The following CCDC8 variants were observed in gnomAD, a reference collection of about 807,000 sequenced individuals.
The protein encoded by CCDC8 is coiled-coil domain-containing protein 8.
Under a neutral mutation model 5.2 loss-of-function variants are expected in CCDC8, and 6 were observed. The observed-to-expected ratio is 1.16, with a 90% CI of 0.63 to 2.28. The LOEUF is 2.28. CCDC8 is among the 30% of genes most tolerant of loss of function. The probability of loss-of-function intolerance (pLI) is 0.00; values close to 1 mark genes in which losing one functional copy is unlikely to be tolerated. For synonymous variants in CCDC8, 310 were observed against 286.5 expected (o/e 1.08, Z -0.83); for missense variants, 724 against 712.2 (o/e 1.02, Z -0.19).
Position 46,411,050 on chromosome 19 carries a change from G to C in CCDC8, c.*144C>G. 9.5e-7 allele frequency: 1 copy of C among 1,049,882 alleles called. No individual in the cohort carries two copies. The highest frequency in any genetic ancestry group is 1.4e-6 in the Non-Finnish European group (1 of 727,014). 65.0% of individuals were successfully genotyped at this position (1,049,882 alleles called of 1,614,324 possible). A position where few individuals can be genotyped will look rare whatever the true frequency, so the allele number is the denominator to read the frequency against. ...AAAATTTAAAAAAAAATCAAAGCAT[G>C]AACAAAACTTTAACAAGAGAATAAA... On this transcript the variant is annotated 3_prime_UTR_variant, in exon 1 of 1. Coordinates refer to ENST00000307522, the MANE Select transcript of CCDC8 (RefSeq NM_032040.5).
Position 46,412,787 on chromosome 19 carries a change from G to T in CCDC8, c.24C>A (p.Val8=). The change falls in exon 1 of 1, where the codon GTC becomes GTA. Residue 8 remains valine (V), a synonymous_variant. Transcript: ENST00000307522. The surrounding 1 kb of genome is among the most constrained non-coding windows in gnomAD (Gnocchi z 4.7). MLQIGED[V]DYLLIPREVR... ...CCTCCCGGGGGATGAGCAAATAGTC[G>T]ACGTCCTCCCCGATCTGCAGCATCC... is the stretch of plus-strand genomic sequence containing the variant. 1 of 1,614,010 alleles carries T rather than the reference G, an allele frequency of 6.2e-7. No individual in the cohort carries two copies. Among genetic ancestry groups the T allele is most frequent in the African/African-American group, 1.3e-5 (1 of 75,014 alleles).
chr19:46,411,062 A>T lies in CCDC8; in HGVS notation c.*132T>A. ...AAAATCAAAGCATGAACAAAACTTT[A>T]ACAAGAGAATAAAGAGGGTTGTTAG... On this transcript the variant is annotated 3_prime_UTR_variant, in exon 1 of 1. Transcript: ENST00000307522. 8.8e-7 allele frequency: 1 copy of T among 1,136,526 alleles called. No individual in the cohort carries two copies. Among genetic ancestry groups the T allele is most frequent in the Non-Finnish European group, 1.3e-6 (1 of 796,512 alleles). The allele number at this position is 1,136,526 out of a possible 1,614,324, so 70.4% of individuals were successfully genotyped here. A position where few individuals can be genotyped will look rare whatever the true frequency, so the allele number is the denominator to read the frequency against.
In CCDC8 at chr19:46,411,550, C is replaced by A; in HGVS notation, c.1261G>T (p.Ala421Ser). ...AVHDQRERAP[A>S]VQGADNQRAQ... ...CTCTGATTATCTGCACCCTGGACAG[C>A]TGGGGCCCTTTCCCTCTGGTCATGT... The change falls in exon 1 of 1, where the codon GCT becomes TCT. Residue 421 changes from alanine (A) to serine (S), a missense_variant. Ala to Ser is a moderately conservative substitution (Grantham distance 99, BLOSUM62 1). Coordinates refer to ENST00000307522, the MANE Select transcript of CCDC8 (RefSeq NM_032040.5). 1 of 1,613,056 alleles carries A rather than the reference C, an allele frequency of 6.2e-7. No individual in the cohort carries two copies. Among genetic ancestry groups the A allele is most frequent in the Non-Finnish European group, 8.5e-7 (1 of 1,179,838 alleles).
Position 46,412,488 on chromosome 19 carries a change from C to T in CCDC8, c.323G>A (p.Ser108Asn), listed in dbSNP as rs1179563376. ...DSSNASDSEFSDFETSRDKSR... is the reference protein window; with the variant it reads ...DSSNASDSEFNDFETSRDKSR... The stretch of plus-strand genomic sequence containing the variant: ...CTTGTCTCTGGAGGTCTCGAAGTCG[C>T]TGAACTCGCTGTCGCTGGCGTTGCT... Residue 108 changes from serine to asparagine, a missense_variant, in exon 1 of 1, where the codon AGC becomes AAC. Ser to Asn is a conservative substitution (Grantham distance 46). Transcript: ENST00000307522. This position sits in a 1 kb window ranked among gnomAD's most constrained non-coding sequence, Gnocchi z 4.7. 2.5e-6 allele frequency: 4 copies of T among 1,608,698 alleles called. No individual in the cohort carries two copies. In the South Asian group the frequency reaches 4.4e-5, roughly 18 times the overall value.
Position 46,412,611 on chromosome 19 carries a change from G to A in CCDC8, c.200C>T (p.Pro67Leu), listed in dbSNP as rs747344751. 6.2e-7 allele frequency: 1 copy of A among 1,601,784 alleles called. No homozygotes were observed. The highest frequency in any genetic ancestry group is 2.2e-5 in the East Asian group (1 of 44,744). ...RIMEKSTPHP[P>L]QPPKKPKEPR... Reference sequence around the variant, plus strand: ...CTCCTTGGGCTTTTTGGGGGGCTGGGGCGGGTGCGGGGTGCTCTTCTCCAT... The same window carrying A: ...CTCCTTGGGCTTTTTGGGGGGCTGGAGCGGGTGCGGGGTGCTCTTCTCCAT... The change falls in exon 1 of 1, where the codon CCC becomes CTC. Residue 67 changes from proline to leucine, a missense_variant. Coordinates refer to ENST00000307522, the MANE Select transcript of CCDC8 (RefSeq NM_032040.5). The surrounding 1 kb of genome is among the most constrained non-coding windows in gnomAD (Gnocchi z 4.7).
rs772062364 is a variant in CCDC8 at position 46,411,820 on chromosome 19, C to G, written c.991G>C (p.Ala331Pro). ...AGAPADQGAE[A>P]ADNQREEAAD... ...GCCTCTTCCCTCTGATTATCTGCAG[C>G]CTCTGCCCCCTGGTCAGCTGGGGCC... is the stretch of plus-strand genomic sequence containing the variant. Residue 331 changes from alanine to proline, a missense_variant, in exon 1 of 1, where the codon GCT becomes CCT. Ala to Pro is a conservative substitution (Grantham distance 27, BLOSUM62 -1). Coordinates refer to ENST00000307522, the MANE Select transcript of CCDC8 (RefSeq NM_032040.5). 1.9e-6 allele frequency: 3 copies of G among 1,608,820 alleles called. No individual in the cohort carries two copies. In the Admixed American group the frequency reaches 5.0e-5, roughly 27 times the overall value.
At position 46,410,382 on chromosome 19, in the gene CCDC8, A is replaced by G. The variant is rs1973213506; in HGVS notation, c.*812T>C. ...GCCCCAGAATCTGTGTTTTGAATGC[A>G]TTTTTCAGACGCTTTTACTGTACCT... On this transcript the variant is annotated 3_prime_UTR_variant, in exon 1 of 1. Coordinates refer to ENST00000307522, the MANE Select transcript of CCDC8 (RefSeq NM_032040.5). The G allele has an allele frequency of 6.6e-6, 1 of 152,124 alleles. No homozygotes were observed. Among genetic ancestry groups the G allele is most frequent in the East Asian group, 1.9e-4 (1 of 5,192 alleles). 9.4% of individuals were successfully genotyped at this position (152,124 alleles called of 1,614,324 possible).
rs1331353409 is a variant in CCDC8 at position 46,412,095 on chromosome 19, G to T, written c.716C>A (p.Ala239Glu). 1 of 1,599,506 alleles carries T rather than the reference G, an allele frequency of 6.3e-7. No homozygotes were observed. Residue 239 changes from alanine to glutamate, a missense_variant, in exon 1 of 1, where the codon GCG (alanine) becomes GAG (glutamate). Physicochemically the swap from Ala to Glu is moderately radical, Grantham distance 107 (BLOSUM62 -1). Coordinates refer to ENST00000307522, the MANE Select transcript of CCDC8 (RefSeq NM_032040.5). The surrounding 1 kb of genome is among the most constrained non-coding windows in gnomAD (Gnocchi z 4.7). ...ATCCCCCGGGCTGGTGCCCTCTGGC[G>T]CCGATGATACCCCTGCGCTCTCCAC... ...TAVESAGVSS[A>E]PEGTSPGDRL... is the part of the protein sequence containing the mutation.
rs1973227994 is a variant in CCDC8, at chr19:46,411,517, C to T, written c.1294G>A (p.Ala432Thr). 6.2e-7 allele frequency: 1 copy of T among 1,613,820 alleles called. No individual in the cohort carries two copies. The stretch of plus-strand genomic sequence containing the variant: ...GCCTCTGCCCTCTGGCCAGCCCGGG[C>T]CTGTGCCCTCTGATTATCTGCACCC... ...VQGADNQRAQ[A>T]RAGQRAEAAH... Residue 432 changes from alanine to threonine, a missense_variant, in exon 1 of 1, where the codon GCC becomes ACC. Ala to Thr is a moderately conservative substitution (Grantham distance 58). Coordinates refer to ENST00000307522, the MANE Select transcript of CCDC8 (RefSeq NM_032040.5).
At position 46,411,804 on chromosome 19, in the gene CCDC8, C is replaced by T. The variant is rs1973232722; in HGVS notation, c.1007G>A (p.Arg336Lys). ...DQGAEAADNQ[R>K]EEAADNQRAG... ...CCTCTGATTATCTGCAGCCTCTTCC[C>T]TCTGATTATCTGCAGCCTCTGCCCC... Residue 336 changes from arginine to lysine, a missense_variant, in exon 1 of 1, where the codon AGG becomes AAG. Transcript: ENST00000307522. 1 of 1,608,242 alleles carries T rather than the reference C, an allele frequency of 6.2e-7. No homozygotes were observed. Among genetic ancestry groups the T allele is most frequent in the African/African-American group, 1.3e-5 (1 of 74,818 alleles).
At position 46,410,759 on chromosome 19, in the gene CCDC8, T is replaced by C. The variant is rs1326320674; in HGVS notation, c.*435A>G. 2 of 160,338 alleles carry C rather than the reference T, an allele frequency of 1.2e-5. No homozygotes were observed. The highest frequency in any genetic ancestry group is 3.1e-3 in the Middle Eastern group (1 of 326). 9.9% of individuals were successfully genotyped at this position (160,338 alleles called of 1,614,324 possible). A position where few individuals can be genotyped will look rare whatever the true frequency, so the allele number is the denominator to read the frequency against. ...CTCTCCCTTTATCAAGCTGAGCACC[T>C]TGAGTTGCATTTGAGGAAATGAAAA... On this transcript the variant is annotated 3_prime_UTR_variant, in exon 1 of 1. Transcript: ENST00000307522.
Position 46,412,570 on chromosome 19 carries a change from T to G in CCDC8, c.241A>C (p.Arg81=), listed in dbSNP as rs767244794. 3 of 1,603,860 alleles carry G rather than the reference T, an allele frequency of 1.9e-6. No individual in the cohort carries two copies. Among genetic ancestry groups the G allele is most frequent in the South Asian group, 2.2e-5 (2 of 90,836 alleles). ...GGAGGAGTCACCATCTGCTGCACTC[T>G]CCTCCTCACTCGGGGCTCCTTGGGC... The part of the protein sequence containing the change: ...KKPKEPRVRR[R]VQQMVTPPPR... Residue 81 remains arginine (R), a synonymous_variant, in exon 1 of 1, where the codon AGA becomes CGA. Transcript: ENST00000307522. This position sits in a 1 kb window ranked among gnomAD's most constrained non-coding sequence, Gnocchi z 4.7.
Position 46,411,833 on chromosome 19 carries a change from G to A in CCDC8, c.978C>T (p.Asp326=). The part of the protein sequence containing the change: ...AGNQRAGAPA[D]QGAEAADNQR... ...GATTATCTGCAGCCTCTGCCCCCTG[G>A]TCAGCTGGGGCCCCTGCCCTCTGAT... Residue 326 remains aspartate, a synonymous_variant, in exon 1 of 1, where the codon GAC becomes GAT. Transcript: ENST00000307522. 6.2e-7 allele frequency: 1 copy of A among 1,608,074 alleles called. No homozygotes were observed.
rs746830123 is a variant in CCDC8 at position 46,412,746 on chromosome 19, C to T, written c.65G>A (p.Gly22Asp). 1 of 1,613,830 alleles carries T rather than the reference C, an allele frequency of 6.2e-7. No individual in the cohort carries two copies. Among genetic ancestry groups the T allele is most frequent in the Non-Finnish European group, 8.5e-7 (1 of 1,180,024 alleles). Residue 22 changes from glycine to aspartate, a missense_variant, in exon 1 of 1, where the codon GGC becomes GAC. Transcript: ENST00000307522. The surrounding 1 kb of genome is among the most constrained non-coding windows in gnomAD (Gnocchi z 4.7). ...GGGCTTAGAGATGACTCTCCAGACGCCCCCAGCCAGCCTGACCTCCCGGGG... is the reference window on the plus strand; with the variant it reads ...GGGCTTAGAGATGACTCTCCAGACGTCCCCAGCCAGCCTGACCTCCCGGGG... ...LIPREVRLAG[G>D]VWRVISKPAT...
At position 46,411,320 on chromosome 19, in the gene CCDC8, C is replaced by T. The variant is rs1973225023; in HGVS notation, c.1491G>A (p.Trp497Ter). 1 of 1,614,206 alleles carries T rather than the reference C, an allele frequency of 6.2e-7. No homozygotes were observed. The highest frequency in any genetic ancestry group is 8.5e-7 in the Non-Finnish European group (1 of 1,180,032). ...SWFCKRRRAFWHTPRLPTLPK... is the reference protein window; with the variant it reads ...SWFCKRRRAF ...GCAGGGTTGGCAACCGGGGAGTGTG[C>T]CAGAAGGCTCTCCGGCGCTTGCAAA... Residue 497 changes from tryptophan (W) to a stop codon, truncating the protein, a stop_gained, in exon 1 of 1, where the codon TGG (tryptophan) becomes TGA (stop). Coordinates refer to ENST00000307522, the MANE Select transcript of CCDC8 (RefSeq NM_032040.5). LOFTEE classifies it high-confidence loss of function.
At position 46,411,698 on chromosome 19, in the gene CCDC8, G is replaced by C. The variant is rs139601189; in HGVS notation, c.1113C>G (p.Ala371=). The C allele has an allele frequency of 9.2e-4, 1,459 of 1,586,464 alleles. 11 individuals carry two copies. The African/African-American group carries it at 0.018, about 19-fold the overall frequency. The change falls in exon 1 of 1, where the codon GCC becomes GCG. Residue 371 remains alanine, a synonymous_variant. Coordinates refer to ENST00000307522, the MANE Select transcript of CCDC8 (RefSeq NM_032040.5). ...EEAADNQRAE[A]PADQRSQGTD... is the part of the protein sequence containing the mutation. Reference sequence around the variant, plus strand: ...TGCCCTGTGACCTCTGGTCAGCTGGGGCCTCTGCCCTCTGATTATCTGCAG... The same window carrying C: ...TGCCCTGTGACCTCTGGTCAGCTGGCGCCTCTGCCCTCTGATTATCTGCAG...
rs10412551 is a variant in CCDC8 at position 46,410,492 on chromosome 19, G to A, written c.*702C>T. ...AGCCCGGGGCATGAGGATGGCAAGC[G>A]AAGTGACAACATAAACACAGGTGTC... On this transcript the variant is annotated 3_prime_UTR_variant, in exon 1 of 1. Coordinates refer to ENST00000307522, the MANE Select transcript of CCDC8 (RefSeq NM_032040.5). The A allele has an allele frequency of 0.2, 31,178 of 152,290 alleles. 3,471 individuals are homozygous for A. The highest frequency in any genetic ancestry group is 0.29 in the African/African-American group (11,839 of 41,526). 9.4% of individuals were successfully genotyped at this position (152,290 alleles called of 1,614,324 possible).
chr19:46,411,438 G>A lies in CCDC8; in HGVS notation c.1373C>T (p.Ala458Val), dbSNP rs754734333. 2 of 1,614,198 alleles carry A rather than the reference G, an allele frequency of 1.2e-6. No homozygotes were observed. Among genetic ancestry groups the A allele is most frequent in the Non-Finnish European group, 1.7e-6 (2 of 1,180,004 alleles). ...AGCTGTTCCTGTGGTCCCTTGGGCA[G>A]CTGAGACTTCAGCTTCCTGGATACC... Reference protein sequence around the residue: ...APGIQEAEVSAAQGTTGTAPG... With the variant: ...APGIQEAEVSVAQGTTGTAPG... Residue 458 changes from alanine to valine, a missense_variant, in exon 1 of 1, where the codon GCT becomes GTT. By Grantham distance (64) the Ala-to-Val change is moderately conservative. Transcript: ENST00000307522.
Position 46,412,380 on chromosome 19 carries a change from A to G in CCDC8, c.431T>C (p.Leu144Pro), listed in dbSNP as rs1316349544. The G allele has an allele frequency of 1.2e-6, 2 of 1,613,560 alleles. No homozygotes were observed. Among genetic ancestry groups the G allele is most frequent in the Non-Finnish European group, 1.7e-6 (2 of 1,179,982 alleles). The change falls in exon 1 of 1, where the codon CTG becomes CCG. Residue 144 changes from leucine to proline, a missense_variant. By Grantham distance (98) the Leu-to-Pro change is moderately conservative (BLOSUM62 -3). Coordinates refer to ENST00000307522, the MANE Select transcript of CCDC8 (RefSeq NM_032040.5). This position sits in a 1 kb window ranked among gnomAD's most constrained non-coding sequence, Gnocchi z 4.7. Reference sequence around the variant, plus strand: ...CAGTTCCTCATCATCCTCACTCTCCAGGTCGCTTCCCAGGAACTTGCTGCC... The same window carrying G: ...CAGTTCCTCATCATCCTCACTCTCCGGGTCGCTTCCCAGGAACTTGCTGCC... ...YLGSKFLGSD[L>P]ESEDDEELVE...
Sources: gnomAD v4.1 joint callset for allele counts on GRCh38, gnomAD v4.1.1 for gene constraint, Gnocchi (gnomAD v3.1) non-coding constraint, MANE v1.5 for transcripts, NCBI Gene and HGNC (gene_info 2026-07-23, HGNC 2026-07-21) for gene names.